Variants in MITF observed in about 807,000 individuals in gnomAD.
The protein encoded by MITF is melanocyte inducing transcription factor.
MITF carries 17 observed loss-of-function variants against 60.5 expected under a neutral mutation model. The observed-to-expected ratio is 0.28, with a 90% CI of 0.19 to 0.42. The LOEUF is 0.42. Ranked by LOEUF, MITF falls within the 10% of genes least tolerant of loss-of-function variation. The pLI is 1.00. For synonymous variants in MITF, 260 were observed against 248.5 expected (o/e 1.05, Z -0.43); for missense variants, 622 against 683.5 (o/e 0.91, Z 1.00).
chr3:69,842,236 G>T (rs1302527132), intron 1 of MITF, among the ~76,000 whole-genome samples: 1 of 152,186 alleles, frequency 6.6e-6, no homozygotes, highest in East Asian at 1.9e-4. Flanking sequence ...CCAAAATCAT[G>T]CAGTAGACAA....
chr3:69,796,595 T>C (rs1385024929), intron 1 of MITF, among the ~76,000 whole-genome samples: 2 of 144,100 alleles, frequency 1.4e-5, no homozygotes, highest in East Asian at 2.1e-4. Flanking sequence ...CAAGCTCCGC[T>C]TCCCGGGTTC....
At chr3:69,804,922 T>G (rs1464009666) in intron 1 of MITF, among the ~76,000 whole-genome samples, 2 of 152,220 alleles carry the variant, frequency 1.3e-5, no homozygotes, top group Non-Finnish European at 2.9e-5. Context: ...AAAACCACAT[T>G]AAGGTATAGA....
Position 69,968,055 on chromosome 3 carries a change from G to A in MITF, c.*2807G>A, listed in dbSNP as rs938427203. 1.3e-5 allele frequency: 3 copies of A among 233,394 alleles called. No individual in the cohort carries two copies. The Admixed American group carries it at 1.7e-4, about 13-fold the overall frequency. 14.5% of individuals were successfully genotyped at this position (233,394 alleles called of 1,614,324 possible). On this transcript the variant is annotated 3_prime_UTR_variant, in exon 10 of 10. Coordinates refer to ENST00000352241, the MANE Select transcript of MITF (RefSeq NM_001354604.2). ...AAATACAATACATAGGAAGTTAAAA[G>A]CACAAAGGAATGAACTTATTAATAT...
intron 1 of MITF, among the ~76,000 whole-genome samples, chr3:69,853,286 G>A (rs1430027604): frequency 6.6e-6 from 1 of 152,078 alleles, no homozygotes; most frequent in Non-Finnish European, 1.5e-5. Flanking sequence ...TTAAGGGGAA[G>A]GAAGAGTAAG....
At chr3:69,825,056 C>T (rs1378959354) in intron 1 of MITF, among the ~76,000 whole-genome samples, 1 of 152,074 alleles carries the variant, frequency 6.6e-6, no homozygotes, top group Non-Finnish European at 1.5e-5. Flanking sequence ...CTAGCTAAGT[C>T]TTGTTATAGT....
intron 2 of MITF, among the ~76,000 whole-genome samples, chr3:69,889,584 A>G (rs2064711905): frequency 1.3e-5 from 2 of 152,016 alleles, no homozygotes; most frequent in South Asian, 4.2e-4. Context: ...TATAAAAATT[A>G]TTAACAAGAT....
chr3:69,754,644 T>C (rs1704061852), intron 1 of MITF, among the ~76,000 whole-genome samples: 1 of 151,298 alleles, frequency 6.6e-6, no homozygotes, highest in Non-Finnish European at 1.5e-5. Flanking sequence ...TTTTTTGAAA[T>C]AAATTACCCA....
intron 7 of MITF, among the ~76,000 whole-genome samples, chr3:69,952,699 C>T (rs2066286859): frequency 6.6e-6 from 1 of 152,094 alleles, no homozygotes; most frequent in Admixed American, 6.6e-5. Flanking sequence ...CTCTTCCTGA[C>T]CTTTTTCTGT....
chr3:69,906,970 A>G (rs114967661), intron 2 of MITF, among the ~76,000 whole-genome samples: 383 of 152,228 alleles, frequency 2.5e-3, no homozygotes, highest in African/African-American at 8.9e-3. Flanking sequence ...TCTGCTAAAT[A>G]CTTTATGTAA....
intron 2 of MITF, among the ~76,000 whole-genome samples, chr3:69,888,308 A>G (rs13321948): frequency 0.026 from 3,881 of 152,142 alleles, 152 homozygotes; most frequent in African/African-American, 0.086. Context: ...TGAACACTGC[A>G]TGGTAGTTCA....
chr3:69,820,813 T>C (rs1220423774), intron 1 of MITF, among the ~76,000 whole-genome samples: 2 of 152,182 alleles, frequency 1.3e-5, no homozygotes, highest in Non-Finnish European at 2.9e-5. Flanking sequence ...TTCCTGTAGA[T>C]CCCTGCTCTG....
chr3:69,743,486 G>A (rs2106745113), intron 1 of MITF, among the ~76,000 whole-genome samples: 1 of 152,278 alleles, frequency 6.6e-6, no homozygotes, highest in East Asian at 1.9e-4. Context: ...CTTTCATGAG[G>A]AAGGACATGT....
At chr3:69,964,747 C>A in intron 9 of MITF, 100 bp from the exon 10 acceptor site, 1 of 1,021,354 alleles carries the variant, frequency 9.8e-7, no homozygotes. Flanking sequence ...TGTCTAATGA[C>A]GCGCATCTAC....
At chr3:69,814,141 ACT>A (rs1173439166) in intron 1 of MITF, among the ~76,000 whole-genome samples, 2 of 151,632 alleles carry the variant, frequency 1.3e-5, no homozygotes, top group East Asian at 3.9e-4. Flanking sequence ...AAAAAGTGCA[ACT>A]CTCTGCCACT....
intron 2 of MITF, among the ~76,000 whole-genome samples, chr3:69,882,862 G>A (rs1280874532): frequency 6.6e-6 from 1 of 152,114 alleles, no homozygotes; most frequent in Non-Finnish European, 1.5e-5. Context: ...AAGTTCATCA[G>A]GATTTCTTCC....
chr3:69,776,056 A>C (rs551213819), intron 1 of MITF, among the ~76,000 whole-genome samples: 64 of 152,220 alleles, frequency 4.2e-4, no homozygotes, highest in Admixed American at 1.4e-3. Flanking sequence ...AGTTTTAAAG[A>C]GGTGGAAAAT....
intron 2 of MITF, among the ~76,000 whole-genome samples, chr3:69,908,987 G>C (rs1006368139): frequency 6.6e-6 from 1 of 152,086 alleles, no homozygotes; most frequent in Non-Finnish European, 1.5e-5. Context: ...TCCTTTACCA[G>C]CTGCTAAGTT....
chr3:69,782,163 A>G (rs1449491344), intron 1 of MITF, among the ~76,000 whole-genome samples: 2 of 152,220 alleles, frequency 1.3e-5, no homozygotes, highest in Admixed American at 6.5e-5. Flanking sequence ...GCCCTGCCCT[A>G]TAAGAATCTC....
intron 1 of MITF, among the ~76,000 whole-genome samples, chr3:69,848,957 CTTTTTTTTT>C (rs55969316): frequency 4.1e-5 from 3 of 73,304 alleles, no homozygotes; most frequent in East Asian, 3.6e-4. Flanking sequence ...AAAGATTCTT[CTTTTTTTTT>C]TTTTTTTTTT....
Sources: gnomAD v4.1 joint callset for allele counts (sites outside exome capture counted in the v4.1 genomes callset) on GRCh38, gnomAD v4.1.1 for gene constraint, MANE v1.5 for transcripts, NCBI Gene and HGNC (gene_info 2026-07-23, HGNC 2026-07-21) for gene names.